The following ARHGEF37 variants were observed in gnomAD, a reference collection of about 807,000 sequenced individuals.
The protein encoded by ARHGEF37 is Rho guanine nucleotide exchange factor 37, also known as Rho guanine nucleotide exchange factor (GEF) 37.
In ARHGEF37, 55 loss-of-function variants were observed where a neutral mutation model predicts 71.1. The ratio of observed to expected loss-of-function variants is 0.77; its 90% CI spans 0.62 to 0.97. The LOEUF (loss-of-function observed/expected upper bound fraction) is 0.97, where lower values mean the gene tolerates loss of function less well. Ranked by LOEUF, ARHGEF37 falls within the 50% of genes least tolerant of loss-of-function variation. The pLI is 0.00. For synonymous variants in ARHGEF37, 327 were observed against 350.6 expected (o/e 0.93, Z 0.75); for missense variants, 765 against 836.8 (o/e 0.91, Z 1.06).
intron 11 of ARHGEF37, among the ~76,000 whole-genome samples, chr5:149,628,318 G>A (rs1463103982): frequency 6.6e-6 from 1 of 152,182 alleles, no homozygotes; most frequent in Non-Finnish European, 1.5e-5. Flanking sequence ...TCTGTAGTTT[G>A]GCACACCCTC....
At chr5:149,598,540 G>A (rs1055437762) in intron 2 of ARHGEF37, among the ~76,000 whole-genome samples, 4 of 145,492 alleles carry the variant, frequency 2.7e-5, no homozygotes, top group Admixed American at 1.4e-4. Flanking sequence ...CTCTTTATTC[G>A]ATCACAAAGT....
At chr5:149,631,436 G>A (rs1277029447) in intron 12 of ARHGEF37, among the ~76,000 whole-genome samples, 4 of 152,098 alleles carry the variant, frequency 2.6e-5, no homozygotes, top group Non-Finnish European at 5.9e-5. Flanking sequence ...CTCCCAAAGT[G>A]CTGGGATTAT....
chr5:149,613,138 T>C (rs147981714), intron 4 of ARHGEF37, among the ~76,000 whole-genome samples: 2 of 152,348 alleles, frequency 1.3e-5, no homozygotes, highest in East Asian at 3.9e-4. Context: ...TAACCTTCTT[T>C]GTTTTCCTTT....
chr5:149,609,457 G>A, intron 3 of ARHGEF37, 91 bp from the exon 4 acceptor site: 1 of 1,408,948 alleles, frequency 7.1e-7, no homozygotes, highest in South Asian at 1.2e-5. Flanking sequence ...TCACTGGAGA[G>A]CTGGAGGGGT....
At chr5:149,589,320 T>C (rs1763328900) in intron 1 of ARHGEF37, among the ~76,000 whole-genome samples, 1 of 141,364 alleles carries the variant, frequency 7.1e-6, no homozygotes, top group Non-Finnish European at 1.6e-5. Flanking sequence ...ACACATAATG[T>C]TTTATTAATT....
upstream of ARHGEF37, among the ~76,000 whole-genome samples, chr5:149,581,143 T>C (rs1236461671): frequency 6.6e-6 from 1 of 152,154 alleles, no homozygotes; most frequent in Non-Finnish European, 1.5e-5. Flanking sequence ...CCCTACAGTT[T>C]GGTGATTCGG....
chr5:149,582,582 T>C (rs1763133204), intron 1 of ARHGEF37, among the ~76,000 whole-genome samples: 1 of 152,222 alleles, frequency 6.6e-6, no homozygotes, highest in Admixed American at 6.5e-5. Flanking sequence ...ATAAAAGTGC[T>C]GACGATTATA....
intron 6 of ARHGEF37, among the ~76,000 whole-genome samples, 175 bp from the exon 7 acceptor site, chr5:149,618,763 A>G (rs1047374286): frequency 3.3e-5 from 5 of 152,140 alleles, no homozygotes; most frequent in African/African-American, 1.2e-4. Flanking sequence ...ATCCGATTCC[A>G]TGCTCTGAAT....
intron 11 of ARHGEF37, among the ~76,000 whole-genome samples, chr5:149,627,652 C>G (rs976089702): frequency 2.6e-5 from 4 of 152,168 alleles, no homozygotes; most frequent in Non-Finnish European, 5.9e-5. Flanking sequence ...ATGCCTGGAC[C>G]CTGGCTACAC....
chr5:149,597,990 T>G, intron 2 of ARHGEF37, 35 bp downstream of exon 2: 2 of 1,519,962 alleles, frequency 1.3e-6, no homozygotes, highest in South Asian at 2.6e-5. Context: ...CCTGTCTTTA[T>G]AGGGGCAAAT....
At chr5:149,592,044 A>G (rs1763423219) in intron 1 of ARHGEF37, among the ~76,000 whole-genome samples, 1 of 152,216 alleles carries the variant, frequency 6.6e-6, no homozygotes, top group South Asian at 2.1e-4. Flanking sequence ...GTGAGGTTGC[A>G]ACAATAGCAA....
chr5:149,562,830 T>A (rs1440625786), intron 1 of ARHGEF37, among the ~76,000 whole-genome samples: 1 of 152,226 alleles, frequency 6.6e-6, no homozygotes, highest in Non-Finnish European at 1.5e-5. Context: ...ACAGGGAACA[T>A]GTCCTGTCCA....
intron 1 of ARHGEF37, among the ~76,000 whole-genome samples, chr5:149,571,049 T>C (rs1762956872): frequency 6.6e-6 from 1 of 151,774 alleles, no homozygotes; most frequent in African/African-American, 2.4e-5. Context: ...TTCAAGTGAT[T>C]CTCCTGCCTC....
At chr5:149,577,097 T>C (rs999352656), upstream of ARHGEF37, among the ~76,000 whole-genome samples, 1 of 152,200 alleles carries the variant, frequency 6.6e-6, no homozygotes, top group African/African-American at 2.4e-5. Context: ...GGTATAGTAG[T>C]AGACTTGGCT....
intron 1 of ARHGEF37, among the ~76,000 whole-genome samples, chr5:149,558,731 GTGTGTGTATATA>G (rs1184344428): frequency 9.0e-5 from 5 of 55,258 alleles, no homozygotes; most frequent in African/African-American, 4.3e-4. Context: ...GTGTGTGTGT[GTGTGTGTATATA>G]TATTTTTATA....
At chr5:149,599,702 A>T (rs550802169) in intron 2 of ARHGEF37, among the ~76,000 whole-genome samples, 216 of 152,298 alleles carry the variant, frequency 1.4e-3, no homozygotes, top group African/African-American at 5.0e-3. Flanking sequence ...GGGTTTCAGA[A>T]ATAATGCAGG....
intron 10 of ARHGEF37, among the ~76,000 whole-genome samples, chr5:149,625,129 C>T (rs893425886): frequency 2.6e-5 from 4 of 152,002 alleles, no homozygotes; most frequent in African/African-American, 7.2e-5. Context: ...AACTCCTGCC[C>T]TCTGATCTCA....
rs367666999 is a variant in ARHGEF37, at chr5:149,597,788, G to T, written c.19G>T (p.Asp7Tyr). Reference sequence around the variant, plus strand: ...TGCTGACATGGCCAAGCATGGAGCCGACGAGCCATCCTCCAGGTCAGGGAG... The same window carrying T: ...TGCTGACATGGCCAAGCATGGAGCCTACGAGCCATCCTCCAGGTCAGGGAG... MAKHGADEPSSRSGSPD... is the reference protein window; with the variant it reads MAKHGAYEPSSRSGSPD... The change falls in exon 2 of 13, where the codon GAC becomes TAC. Residue 7 changes from aspartate (D) to tyrosine (Y), a missense_variant. By Grantham distance (160) the Asp-to-Tyr change is radical (BLOSUM62 -3). Coordinates refer to ENST00000333677, the MANE Select transcript of ARHGEF37 (RefSeq NM_001001669.3). The T allele has an allele frequency of 1.3e-6, 2 of 1,567,618 alleles. No homozygotes were observed. The highest frequency in any genetic ancestry group is 1.7e-6 in the Non-Finnish European group (2 of 1,159,090).
Position 149,622,079 on chromosome 5 carries a change from T to G in ARHGEF37, c.1335+17T>G. ...ATGGCCCAGGTAAGGCCTCTGAGACTTGGACACCTGTGGGGAGTAGCCAGG... is the reference window on the plus strand; with the variant it reads ...ATGGCCCAGGTAAGGCCTCTGAGACGTGGACACCTGTGGGGAGTAGCCAGG... On this transcript the variant is annotated intron_variant, in intron 9 of 12. Transcript: ENST00000333677. 2 of 1,586,536 alleles carry G rather than the reference T, an allele frequency of 1.3e-6. No individual in the cohort carries two copies. The highest frequency in any genetic ancestry group is 1.2e-5 in the South Asian group (1 of 86,156).
Sources: allele counts gnomAD v4.1 joint callset (sites outside exome capture counted in the v4.1 genomes callset), GRCh38; gene constraint gnomAD v4.1.1; transcripts MANE v1.5; gene names NCBI Gene and HGNC (gene_info 2026-07-23, HGNC 2026-07-21).